METTL15: variants seen among roughly 807,000 people sequenced by gnomAD.
METTL15 encodes the protein methyltransferase 15, mitochondrial 12S rRNA N4-cytidine, also known as 12S rRNA N(4)-cytidine methyltransferase METTL15.
A neutral mutation model predicts 38.3 loss-of-function variants in METTL15; 34 were observed. That is an observed-to-expected ratio of 0.89 (90% confidence interval 0.68 to 1.18). The LOEUF (loss-of-function observed/expected upper bound fraction) is 1.18. Among genes scored for constraint, METTL15 ranks in the 50% most tolerant of loss-of-function variants. METTL15 has a pLI of 0.00. For missense variants in METTL15, 438 were observed against 498.4 expected (o/e 0.88, Z 1.15); for synonymous variants, 162 against 170.9 (o/e 0.95, Z 0.41).
intron 6 of METTL15, among the ~76,000 whole-genome samples, chr11:28,496,290 CCA>C (rs1851534952): frequency 6.6e-6 from 1 of 152,136 alleles, no homozygotes; most frequent in Non-Finnish European, 1.5e-5. Flanking sequence ...ATTTTTAAAA[CCA>C]TCAGATTCCA....
intron 5 of METTL15, among the ~76,000 whole-genome samples, chr11:28,292,815 A>G (rs1292574645): frequency 2.6e-5 from 4 of 152,110 alleles, no homozygotes; most frequent in East Asian, 3.9e-4. Flanking sequence ...GCTAGTGATG[A>G]TGAGCATTTT....
chr11:28,261,487 G>C (rs920274176), intron 4 of METTL15: 1 of 154,904 alleles, frequency 6.5e-6, no homozygotes, highest in Non-Finnish European at 1.5e-5. Context: ...TCAATGGGTT[G>C]ACATGTTGCA....
At chr11:28,300,827 G>T (rs549887601) in intron 6 of METTL15, among the ~76,000 whole-genome samples, 8 of 152,196 alleles carry the variant, frequency 5.3e-5, no homozygotes, top group African/African-American at 1.7e-4. Context: ...TTATTCTAAT[G>T]TTCTAGCTAA....
intron 4 of METTL15, among the ~76,000 whole-genome samples, chr11:28,224,931 C>A (rs1001797921): frequency 6.6e-6 from 1 of 151,318 alleles, no homozygotes; most frequent in Non-Finnish European, 1.5e-5. Context: ...TTTGATTTTG[C>A]GTCTTCACTA....
At chr11:28,376,015 C>T (rs1850307003) in intron 5 of METTL15, among the ~76,000 whole-genome samples, 1 of 152,080 alleles carries the variant, frequency 6.6e-6, no homozygotes, top group African/African-American at 2.4e-5. Flanking sequence ...AGTTTGATTG[C>T]ACTGTGGTCT....
chr11:28,125,023 C>G (rs1852414240), intron 3 of METTL15, among the ~76,000 whole-genome samples: 1 of 152,038 alleles, frequency 6.6e-6, no homozygotes, highest in Non-Finnish European at 1.5e-5. Flanking sequence ...TAAGTAACTT[C>G]TCTTGCTAGG....
chr11:28,375,382 G>A (rs972367674), intron 5 of METTL15, among the ~76,000 whole-genome samples: 1 of 151,786 alleles, frequency 6.6e-6, no homozygotes, highest in East Asian at 1.9e-4. Flanking sequence ...ACTTCTTCCT[G>A]GTTTAGTCTT....
intron 6 of METTL15, among the ~76,000 whole-genome samples, chr11:28,525,853 C>T (rs576473419): frequency 2.3e-4 from 35 of 152,330 alleles, no homozygotes; most frequent in Admixed American, 1.1e-3. Context: ...CAGGGGGCGG[C>T]GCTTGTTGGG....
chr11:28,232,061 G>T (rs779540124), intron 4 of METTL15, among the ~76,000 whole-genome samples: 2 of 151,746 alleles, frequency 1.3e-5, no homozygotes, highest in Non-Finnish European at 3.0e-5. Flanking sequence ...ATCTTAATTT[G>T]CATTTTACAA....
chr11:28,129,228 T>C (rs1167499898), intron 3 of METTL15, among the ~76,000 whole-genome samples: 2 of 152,220 alleles, frequency 1.3e-5, no homozygotes, highest in Admixed American at 6.5e-5. Flanking sequence ...AACATGTCTA[T>C]GAATAAGTGG....
chr11:28,496,153 A>G (rs776474291), intron 6 of METTL15, among the ~76,000 whole-genome samples: 2 of 152,260 alleles, frequency 1.3e-5, no homozygotes, highest in Non-Finnish European at 2.9e-5. Flanking sequence ...TTACAAAAGA[A>G]AAAGGTTTAA....
Position 28,330,804 on chromosome 11 carries a change from G to A in METTL15, c.1187G>A (p.Gly396Glu). 5 of 1,551,016 alleles carry A rather than the reference G, an allele frequency of 3.2e-6. No homozygotes were observed. Among genetic ancestry groups the A allele is most frequent in the Non-Finnish European group, 4.4e-6 (5 of 1,146,672 alleles). The change falls in exon 7 of 7, where the codon GGG becomes GAG. Residue 396 changes from glycine (G) to glutamate (E), a missense_variant. By Grantham distance (98) the Gly-to-Glu change is moderately conservative. Coordinates refer to ENST00000407364, the MANE Select transcript of METTL15 (RefSeq NM_001113528.2). ...CAGGATGTACAAGATAACCCCAGAGGGCGCTCAGCCAAGCTTAGAGCAGCT... is the reference window on the plus strand; with the variant it reads ...CAGGATGTACAAGATAACCCCAGAGAGCGCTCAGCCAAGCTTAGAGCAGCT... ...QDQDVQDNPR[G>E]RSAKLRAAIK...
In METTL15 at chr11:28,182,970, C is replaced by G. The variant is rs138279713; in HGVS notation, c.271-28092C>G. On this transcript the variant is annotated intron_variant, in intron 3 of 6. Transcript: ENST00000407364. ...GTATTTCTCCTTGGAAGAGGTGCTTCACTTCCCTTCTAAGTTGTATTCCTA... is the reference window on the plus strand; with the variant it reads ...GTATTTCTCCTTGGAAGAGGTGCTTGACTTCCCTTCTAAGTTGTATTCCTA... Among the ~76,000 whole-genome samples, 424 of 152,208 alleles carry G rather than the reference C, an allele frequency of 2.8e-3. 5 individuals carry two copies. Among genetic ancestry groups the G allele is most frequent in the Non-Finnish European group, 1.9e-3 (129 of 68,004 alleles).
intron 3 of METTL15, among the ~76,000 whole-genome samples, chr11:28,113,855 A>G (rs1454774206): frequency 6.6e-6 from 1 of 152,206 alleles, no homozygotes; most frequent in Non-Finnish European, 1.5e-5. Flanking sequence ...CTTGATTATA[A>G]AATAGGCTCT....
At chr11:28,374,005 G>C (rs1368182526) in intron 5 of METTL15, among the ~76,000 whole-genome samples, 1 of 152,084 alleles carries the variant, frequency 6.6e-6, no homozygotes, top group Non-Finnish European at 1.5e-5. Context: ...TGAGGGCTCT[G>C]TTCTGTTCCA....
chr11:28,202,851 C>G (rs1380290020), intron 3 of METTL15, among the ~76,000 whole-genome samples: 2 of 152,060 alleles, frequency 1.3e-5, no homozygotes, highest in Admixed American at 1.3e-4. Context: ...TTGAAAATGA[C>G]TAAGCAACAT....
chr11:28,123,001 T>TA (rs1852317116), intron 3 of METTL15, among the ~76,000 whole-genome samples: 1 of 152,136 alleles, frequency 6.6e-6, no homozygotes, highest in African/African-American at 2.4e-5. Context: ...ATAAAAATGT[T>TA]ACACTCTCAT....
intron 3 of METTL15, among the ~76,000 whole-genome samples, chr11:28,129,804 T>TG (rs1565112355): frequency 6.6e-6 from 1 of 152,162 alleles, no homozygotes; most frequent in South Asian, 2.1e-4. Flanking sequence ...TGCATTGTGT[T>TG]GGGGGATCTG....
intron 3 of METTL15, among the ~76,000 whole-genome samples, chr11:28,178,700 T>A (rs1038965486): frequency 3.3e-5 from 5 of 151,850 alleles, no homozygotes; most frequent in African/African-American, 1.2e-4. Flanking sequence ...TAGTCCCATT[T>A]TTCAAAATTT....
Sources: allele counts gnomAD v4.1 joint callset (sites outside exome capture counted in the v4.1 genomes callset), GRCh38; gene constraint gnomAD v4.1.1; transcripts MANE v1.5; gene names NCBI Gene and HGNC (gene_info 2026-07-23, HGNC 2026-07-21).